The following CHD5 variants were observed in gnomAD, a reference collection of about 807,000 sequenced individuals.
CHD5 encodes the protein ATP-dependent chromatin remodeler CHD5.
In CHD5, 69 loss-of-function variants were observed where a neutral mutation model predicts 230.3. The observed-to-expected ratio is 0.30, with a 90% CI of 0.25 to 0.37. The LOEUF (loss-of-function observed/expected upper bound fraction) is 0.37, where lower values mean the gene tolerates loss of function less well. CHD5 is among the 10% of genes least tolerant of loss of function. The pLI, the probability that CHD5 is intolerant of heterozygous loss-of-function variation, is 1.00. For missense variants in CHD5, 1,827 were observed against 2,622.8 expected (o/e 0.70, Z 6.63); for synonymous variants, 1,064 against 1,065.9 (o/e 1.00, Z 0.03).
rs752324571 is a variant in CHD5 at position 6,144,016 on chromosome 1, C to T, written c.1934+8G>A. On this transcript the variant is annotated splice_region_variant and intron_variant, in intron 12 of 41. Transcript: ENST00000262450. ...CCTGTGCCTAGCAGCCGGATCCCTG[C>T]GACCCACCTGTGGCCCCAGTAGGCC... The T allele has an allele frequency of 3.1e-6, 5 of 1,614,108 alleles. No individual in the cohort carries two copies. In the African/African-American group the frequency reaches 5.3e-5, roughly 17 times the overall value.
Position 6,128,727 on chromosome 1 carries a change from C to G in CHD5, c.3619+111G>C, listed in dbSNP as rs562341108. On this transcript the variant is annotated intron_variant, in intron 23 of 41. Transcript: ENST00000262450. This position sits in a 1 kb window ranked among gnomAD's most constrained non-coding sequence, Gnocchi z 7.8. ...AGCCAGGAGATACAGGTGGGGGGTGCAGAAGAGAGGCTGTGTGTTGGAGCG... is the reference window on the plus strand; with the variant it reads ...AGCCAGGAGATACAGGTGGGGGGTGGAGAAGAGAGGCTGTGTGTTGGAGCG... 139 of 1,256,418 alleles carry G rather than the reference C, an allele frequency of 1.1e-4. No homozygotes were observed. In the Admixed American group the frequency reaches 1.3e-3, roughly 11 times the overall value. The allele number at this position is 1,256,418 out of a possible 1,614,324, so 77.8% of individuals were successfully genotyped here. A position where few individuals can be genotyped will look rare whatever the true frequency, so the allele number is the denominator to read the frequency against.
At position 6,142,339 on chromosome 1, in the gene CHD5, AG is replaced by A. The variant is rs764786638; in HGVS notation, c.2236-12del. Reference sequence around the variant, plus strand: ...CCCTTTGGAGTGGCCCTGGAGAGAGAGGCCGATGCCGTGAGACCACCTGCCC... The same window carrying A: ...CCCTTTGGAGTGGCCCTGGAGAGAGAGCCGATGCCGTGAGACCACCTGCCC... On this transcript the variant is annotated splice_polypyrimidine_tract_variant and intron_variant, in intron 14 of 41. Transcript: ENST00000262450. This position sits in a 1 kb window ranked among gnomAD's most constrained non-coding sequence, Gnocchi z 5.2. 6.3e-7 allele frequency: 1 copy of A among 1,598,590 alleles called. No individual in the cohort carries two copies. The highest frequency in any genetic ancestry group is 1.1e-5 in the South Asian group (1 of 90,564).
chr1:6,142,377 C>A lies in CHD5; in HGVS notation c.2235+37G>T. 6.3e-7 allele frequency: 1 copy of A among 1,596,040 alleles called. No individual in the cohort carries two copies. The highest frequency in any genetic ancestry group is 8.6e-7 in the Non-Finnish European group (1 of 1,167,384). Reference sequence around the variant, plus strand: ...GAGACCACCTGCCCTTGGCCAGGACCAGCCACCCCTCCTGGCCGCCTGCCC... The same window carrying A: ...GAGACCACCTGCCCTTGGCCAGGACAAGCCACCCCTCCTGGCCGCCTGCCC... On this transcript the variant is annotated intron_variant, in intron 14 of 41. Coordinates refer to ENST00000262450, the MANE Select transcript of CHD5 (RefSeq NM_015557.3). This position sits in a 1 kb window ranked among gnomAD's most constrained non-coding sequence, Gnocchi z 5.2.
In CHD5 at chr1:6,134,296, C is replaced by A; in HGVS notation, c.3013-37G>T. ...GCAGGAGGTGGGGCATTGGTGGGCTCCCCTCTCCTCTCTGACTCTGCACCA... is the reference window on the plus strand; with the variant it reads ...GCAGGAGGTGGGGCATTGGTGGGCTACCCTCTCCTCTCTGACTCTGCACCA... On this transcript the variant is annotated intron_variant, in intron 19 of 41. Coordinates refer to ENST00000262450, the MANE Select transcript of CHD5 (RefSeq NM_015557.3). This position sits in a 1 kb window ranked among gnomAD's most constrained non-coding sequence, Gnocchi z 6.3. The A allele has an allele frequency of 6.2e-7, 1 of 1,605,710 alleles. No individual in the cohort carries two copies. Among genetic ancestry groups the A allele is most frequent in the African/African-American group, 1.3e-5 (1 of 74,944 alleles).
chr1:6,135,622 C>T (rs9435079), intron 17 of CHD5, among the ~76,000 whole-genome samples: 63,480 of 151,986 alleles, frequency 0.42, 14,143 homozygotes, highest in East Asian at 0.81. Context: ...TCCTCAAAAC[C>T]GTCCTGGACA....
rs1007504688 is a variant in CHD5, at chr1:6,143,749, C to T, written c.2043+74G>A. 26 of 1,287,746 alleles carry T rather than the reference C, an allele frequency of 2.0e-5. No homozygotes were observed. The African/African-American group carries it at 3.3e-4, about 17-fold the overall frequency. The allele number at this position is 1,287,746 out of a possible 1,614,324, so 79.8% of individuals were successfully genotyped here. ...GAAACATCCTTTTGAGAACACACACCCCCTGCACATTCAAGTCTGAGGTGG... is the reference window on the plus strand; with the variant it reads ...GAAACATCCTTTTGAGAACACACACTCCCTGCACATTCAAGTCTGAGGTGG... On this transcript the variant is annotated intron_variant, in intron 13 of 41. Coordinates refer to ENST00000262450, the MANE Select transcript of CHD5 (RefSeq NM_015557.3).
chr1:6,120,931 T>A (rs567995323), intron 33 of CHD5, among the ~76,000 whole-genome samples, 174 bp downstream of exon 33: 6 of 149,602 alleles, frequency 4.0e-5, no homozygotes, highest in Non-Finnish European at 5.9e-5. Flanking sequence ...ATTAAGTCCA[T>A]GTATAGAGGC....
chr1:6,124,012 CGAG>C lies in CHD5; in HGVS notation c.4632_4634del (p.Ser1545del). 2 of 1,612,294 alleles carry C rather than the reference CGAG, an allele frequency of 1.2e-6. No homozygotes were observed. The highest frequency in any genetic ancestry group is 1.7e-5 in the Admixed American group (1 of 59,770). ...TGGCGGGCACTGGTGTGTTGGGGTCCGAGGAGATCACCTCGCCCGACTTCTTCC... is the reference window on the plus strand; with the variant it reads ...TGGCGGGCACTGGTGTGTTGGGGTCCGAGATCACCTCGCCCGACTTCTTCC... On this transcript the variant is annotated inframe_deletion, in exon 31 of 42. Transcript: ENST00000262450.
rs144438587 is a variant in CHD5, at chr1:6,125,114, G to A, written c.4380C>T (p.Ser1460=). 57 of 1,594,250 alleles carry A rather than the reference G, an allele frequency of 3.6e-5. No individual in the cohort carries two copies. In the African/African-American group the frequency reaches 4.8e-4, roughly 13 times the overall value. ...HWLVRDLRGK[S]EKEFRAYVSL... ...AGCCCCTTTACCTAAACTCCTTCTC[G>A]CTCTTCCCTCGAAGGTCCCGCACCA... The change falls in exon 29 of 42, where the codon AGC becomes AGT. Residue 1460 remains serine, a synonymous_variant. Coordinates refer to ENST00000262450, the MANE Select transcript of CHD5 (RefSeq NM_015557.3). The surrounding 1 kb of genome is among the most constrained non-coding windows in gnomAD (Gnocchi z 6.7).
intron 1 of CHD5, among the ~76,000 whole-genome samples, chr1:6,179,394 C>A (rs1667476574): frequency 6.6e-6 from 1 of 151,826 alleles, no homozygotes; most frequent in African/African-American, 2.4e-5. Context: ...GAGCGGAGTC[C>A]TCCTGGGCCG....
chr1:6,123,520 A>G (rs564864780), intron 31 of CHD5, among the ~76,000 whole-genome samples: 2 of 151,632 alleles, frequency 1.3e-5, no homozygotes, highest in African/African-American at 4.8e-5. Flanking sequence ...TCCGCTTCCC[A>G]GGTTCAAGCG....
chr1:6,116,336 A>G (rs1426364837), intron 33 of CHD5, among the ~76,000 whole-genome samples: 1 of 152,230 alleles, frequency 6.6e-6, no homozygotes, highest in Admixed American at 6.5e-5. Context: ...AATAAACATA[A>G]TGAGGGCAAA....
Position 6,160,476 on chromosome 1 carries a change from C to T in CHD5, c.208-961G>A, listed in dbSNP as rs1004373721. 3.4e-5 allele frequency among the ~76,000 whole-genome samples: 5 copies of T among 148,366 alleles called. No homozygotes were observed. In the East Asian group the frequency reaches 1.0e-3, roughly 30 times the overall value. ...GGGCCCCAGCCAGAGAAGGAGAGCC[C>T]CAGCCAGGGAAGGGCCCCAGCCAGA... On this transcript the variant is annotated intron_variant, in intron 2 of 41. Coordinates refer to ENST00000262450, the MANE Select transcript of CHD5 (RefSeq NM_015557.3).
In CHD5 at chr1:6,155,975, G is replaced by A. The variant is rs1386734093; in HGVS notation, c.388-258C>T. Among the ~76,000 whole-genome samples the A allele has an allele frequency of 6.6e-6, 1 of 152,252 alleles. No individual in the cohort carries two copies. The highest frequency in any genetic ancestry group is 1.5e-5 in the Non-Finnish European group (1 of 68,052). Reference sequence around the variant, plus strand: ...CAAGTGTTCGACGTCAGGGTTTGGGGAGAGGCCATGTGTGTGCCCTGAACT... The same window carrying A: ...CAAGTGTTCGACGTCAGGGTTTGGGAAGAGGCCATGTGTGTGCCCTGAACT... On this transcript the variant is annotated intron_variant, in intron 3 of 41. Coordinates refer to ENST00000262450, the MANE Select transcript of CHD5 (RefSeq NM_015557.3). This position sits in a 1 kb window ranked among gnomAD's most constrained non-coding sequence, Gnocchi z 4.0.
Position 6,146,118 on chromosome 1 carries a change from C to G in CHD5, c.1802+94G>C. ...TGCACGGCAGCCCCAAAGCAAGGGC[C>G]CTGGCACCCTGCGCTGCACCCATTT... On this transcript the variant is annotated intron_variant, in intron 11 of 41. Transcript: ENST00000262450. This position sits in a 1 kb window ranked among gnomAD's most constrained non-coding sequence, Gnocchi z 5.1. The G allele has an allele frequency of 7.9e-7, 1 of 1,271,830 alleles. No homozygotes were observed. The highest frequency in any genetic ancestry group is 2.3e-5 in the East Asian group (1 of 43,194). The allele number at this position is 1,271,830 out of a possible 1,614,324, so 78.8% of individuals were successfully genotyped here.
At position 6,134,874 on chromosome 1, in the gene CHD5, G is replaced by A. The variant is rs375116071; in HGVS notation, c.2871-15C>T. 9.6e-5 allele frequency: 155 copies of A among 1,613,866 alleles called. No homozygotes were observed. The highest frequency in any genetic ancestry group is 9.2e-4 in the South Asian group (84 of 91,070). On this transcript the variant is annotated splice_polypyrimidine_tract_variant and intron_variant, in intron 18 of 41. Coordinates refer to ENST00000262450, the MANE Select transcript of CHD5 (RefSeq NM_015557.3). This position sits in a 1 kb window ranked among gnomAD's most constrained non-coding sequence, Gnocchi z 6.3. ...TGTAGTACTTCCTGCAGCAGGGCAC[G>A]AGGAAAGGCAGGCTGGGTCAGACCC...
chr1:6,122,043 C>A (rs1330633205), intron 31 of CHD5, among the ~76,000 whole-genome samples: 2 of 152,214 alleles, frequency 1.3e-5, no homozygotes, highest in East Asian at 1.9e-4. Context: ...GTGGGCACAG[C>A]CGGGAAAGCG....
At chr1:6,176,891 A>G (rs1391359798) in intron 1 of CHD5, among the ~76,000 whole-genome samples, 1 of 152,030 alleles carries the variant, frequency 6.6e-6, no homozygotes, top group Non-Finnish European at 1.5e-5. Context: ...CAGCCACCCC[A>G]ACTCCCAGGA....
At chr1:6,119,841 A>G (rs2100838448) in intron 33 of CHD5, among the ~76,000 whole-genome samples, 1 of 144,458 alleles carries the variant, frequency 6.9e-6, no homozygotes, top group South Asian at 2.3e-4. Flanking sequence ...ATATGTATAT[A>G]TGTGTGTATT....
Sources: gnomAD v4.1 joint callset for allele counts (sites outside exome capture counted in the v4.1 genomes callset) on GRCh38, gnomAD v4.1.1 for gene constraint, Gnocchi (gnomAD v3.1) non-coding constraint, MANE v1.5 for transcripts, NCBI Gene and HGNC (gene_info 2026-07-23, HGNC 2026-07-21) for gene names.